POLR1B: variants seen among roughly 807,000 people sequenced by gnomAD.
POLR1B encodes RNA polymerase I subunit B, also known as DNA-directed RNA polymerase I subunit RPA2.
In POLR1B, 30 loss-of-function variants were observed where a neutral mutation model predicts 105.8. The ratio of observed to expected loss-of-function variants is 0.28; its 90% confidence interval spans 0.21 to 0.38. POLR1B has a LOEUF of 0.38. POLR1B is among the 10% of genes least tolerant of loss of function. The pLI, the probability that POLR1B is intolerant of heterozygous loss-of-function variation, is 1.00. For missense variants in POLR1B, 976 were observed against 1,435.8 expected (o/e 0.68, Z 5.17); for synonymous variants, 485 against 505.1 (o/e 0.96, Z 0.53).
At chr2:112,573,264 G>A (rs904396550) in intron 13 of POLR1B, among the ~76,000 whole-genome samples, 2 of 152,070 alleles carry the variant, frequency 1.3e-5, no homozygotes, top group African/African-American at 4.8e-5. Flanking sequence ...CACCATGCCT[G>A]GCTAATTTTC....
At chr2:112,569,899 T>C (rs1360394630) in intron 12 of POLR1B, among the ~76,000 whole-genome samples, 1 of 152,040 alleles carries the variant, frequency 6.6e-6, no homozygotes, top group Non-Finnish European at 1.5e-5. Flanking sequence ...ATTGCTAAAC[T>C]CTTCTGTCAT....
Position 112,568,777 on chromosome 2 carries a change from A to T in POLR1B, c.1949A>T (p.Glu650Val), listed in dbSNP as rs2104567384. Residue 650 changes from glutamate to valine, a missense_variant, in exon 12 of 15, where the codon GAA (glutamate) becomes GTA (valine). Transcript: ENST00000263331. ...ATGAATGTCGCTATCTTTGAGGATG[A>T]AGTTTTTGCTGGAGTTACCACACAC... ...IFMNVAIFED[E>V]VFAGVTTHQE... is the part of the protein sequence containing the mutation. 6.2e-7 allele frequency: 1 copy of T among 1,614,052 alleles called. No homozygotes were observed. The highest frequency in any genetic ancestry group is 1.3e-5 in the African/African-American group (1 of 75,026).
At chr2:112,552,121 T>C in intron 6 of POLR1B, 123 bp downstream of exon 6, 1 of 709,078 alleles carries the variant, frequency 1.4e-6, no homozygotes, top group Non-Finnish European at 2.3e-6. Flanking sequence ...GGTAGAATCC[T>C]GGTCCTTGCT....
chr2:112,565,277 C>T (rs556985499), intron 10 of POLR1B, among the ~76,000 whole-genome samples: 132 of 152,118 alleles, frequency 8.7e-4, no homozygotes, highest in Non-Finnish European at 1.6e-3. Context: ...ACATGGGACC[C>T]CCCTGTATAC....
At chr2:112,555,346 AAAAAG>A (rs1466419851) in intron 7 of POLR1B, among the ~76,000 whole-genome samples, 1 of 152,100 alleles carries the variant, frequency 6.6e-6, no homozygotes, top group Non-Finnish European at 1.5e-5. Flanking sequence ...CTCAAAAAGA[AAAAAG>A]AAAAAAACAC....
chr2:112,576,601 A>G lies in POLR1B; in HGVS notation c.*872A>G, dbSNP rs66487864. 1.3e-5 allele frequency: 2 copies of G among 152,052 alleles called. No homozygotes were observed. Among genetic ancestry groups the G allele is most frequent in the African/African-American group, 4.8e-5 (2 of 41,358 alleles). 9.4% of individuals were successfully genotyped at this position (152,052 alleles called of 1,614,324 possible). A position where few individuals can be genotyped will look rare whatever the true frequency, so the allele number is the denominator to read the frequency against. On this transcript the variant is annotated 3_prime_UTR_variant, in exon 15 of 15. Coordinates refer to ENST00000263331, the MANE Select transcript of POLR1B (RefSeq NM_019014.6). ...ATATCTCATATAGTGGGATCATGCA[A>G]TATTTGTCCTGTGACTGGCTTATTT...
chr2:112,572,346 C>G (rs1234655792), intron 12 of POLR1B, among the ~76,000 whole-genome samples: 1 of 152,162 alleles, frequency 6.6e-6, no homozygotes, highest in Non-Finnish European at 1.5e-5. Flanking sequence ...CACTTTCTCC[C>G]ACTCAGCATG....
intron 6 of POLR1B, among the ~76,000 whole-genome samples, chr2:112,552,207 T>C (rs1175863346): frequency 1.3e-5 from 2 of 152,222 alleles, no homozygotes; most frequent in Non-Finnish European, 2.9e-5. Flanking sequence ...TTTATAGTAC[T>C]TTTTAACTTT....
intron 1 of POLR1B, chr2:112,545,836 G>T: frequency 5.4e-6 from 2 of 368,302 alleles, no homozygotes; most frequent in Admixed American, 3.4e-5. Context: ...TGTAGAGACG[G>T]GGTCTCCCTA....
rs775145669 is a variant in POLR1B at position 112,568,953 on chromosome 2, AC to A, written c.2074+52del. 8 of 1,525,260 alleles carry A rather than the reference AC, an allele frequency of 5.2e-6. No homozygotes were observed. The Admixed American group carries it at 9.1e-5, about 17-fold the overall frequency. 94.5% of individuals were successfully genotyped at this position (1,525,260 alleles called of 1,614,324 possible). A position where few individuals can be genotyped will look rare whatever the true frequency, so the allele number is the denominator to read the frequency against. ...TCACAATCAGGAAAGTAAACTTGAT[AC>A]TAGCACACTCTTTTATTGTCCTTAT... is the stretch of plus-strand genomic sequence containing the variant. On this transcript the variant is annotated intron_variant, in intron 12 of 14. Transcript: ENST00000263331.
In POLR1B at chr2:112,573,781, C is replaced by G. The variant is rs1374616659; in HGVS notation, c.2491C>G (p.Leu831Val). The G allele has an allele frequency of 1.9e-6, 3 of 1,614,118 alleles. No individual in the cohort carries two copies. The highest frequency in any genetic ancestry group is 1.7e-6 in the Non-Finnish European group (2 of 1,179,974). Residue 831 changes from leucine (L) to valine (V), a missense_variant, in exon 14 of 15, where the codon CTC becomes GTC. By Grantham distance (32) the Leu-to-Val change is conservative. Coordinates refer to ENST00000263331, the MANE Select transcript of POLR1B (RefSeq NM_019014.6). ...YGDPYYSYLN[L>V]NTGESFVMYY... ...AGATCCGTATTACAGCTACCTCAAC[C>G]TCAACACCGGGGAAAGTTTTGTGAT...
rs745477932 is a variant in POLR1B at position 112,574,928 on chromosome 2, C to A, written c.2607C>A (p.Ile869=). 6.2e-7 allele frequency: 1 copy of A among 1,614,042 alleles called. No homozygotes were observed. Among genetic ancestry groups the A allele is most frequent in the Non-Finnish European group, 8.5e-7 (1 of 1,180,006 alleles). ...GTGGAAAATTCAAGTGTGTTTGCAT[C>A]ACTATGAGAGTGCCTCGGAACCCAA... ...TGSGKFKCVC[I]TMRVPRNPTI... Residue 869 remains isoleucine (I), a synonymous_variant, in exon 15 of 15, where the codon ATC becomes ATA. Coordinates refer to ENST00000263331, the MANE Select transcript of POLR1B (RefSeq NM_019014.6).
chr2:112,545,722 C>G (rs1057161524), intron 1 of POLR1B: 9 of 218,940 alleles, frequency 4.1e-5, no homozygotes, highest in African/African-American at 1.7e-4. Context: ...TCACTGCAGC[C>G]TCGACCTTCC....
chr2:112,546,887 T>C, intron 1 of POLR1B, 125 bp from the exon 2 acceptor site: 1 of 1,070,236 alleles, frequency 9.3e-7, no homozygotes, highest in East Asian at 2.5e-5. Flanking sequence ...TTAACTGTCC[T>C]TTTTAGGTGT....
In POLR1B at chr2:112,550,539, A is replaced by G. The variant is rs546823375; in HGVS notation, c.626-327A>G. Among the ~76,000 whole-genome samples, 22 of 152,242 alleles carry G rather than the reference A, an allele frequency of 1.4e-4. No homozygotes were observed. The South Asian group carries it at 1.5e-3, about 10-fold the overall frequency. On this transcript the variant is annotated intron_variant, in intron 4 of 14. Coordinates refer to ENST00000263331, the MANE Select transcript of POLR1B (RefSeq NM_019014.6). ...TACTTTTCTCCATTGGAACTATTAG[A>G]TCAAGCACCATGTCTTGACCAGACT...
At chr2:112,557,864 C>G in intron 7 of POLR1B, 46 bp from the exon 8 acceptor site, 1 of 1,076,302 alleles carries the variant, frequency 9.3e-7, no homozygotes. Context: ...AGCCACCACA[C>G]CTGGCTCACA....
chr2:112,553,704 G>C (rs1165593273), intron 7 of POLR1B: 1 of 152,068 alleles, frequency 6.6e-6, no homozygotes, highest in Non-Finnish European at 1.5e-5. Flanking sequence ...TGTTAAATAA[G>C]GTGCCTTTCA....
chr2:112,570,529 A>T (rs1310427513), intron 12 of POLR1B, among the ~76,000 whole-genome samples: 1 of 152,226 alleles, frequency 6.6e-6, no homozygotes, highest in African/African-American at 2.4e-5. Context: ...GATGGCAGAG[A>T]CTACTACACA....
intron 5 of POLR1B, among the ~76,000 whole-genome samples, chr2:112,551,350 G>T (rs1227301364): frequency 6.6e-6 from 1 of 152,194 alleles, no homozygotes; most frequent in Non-Finnish European, 1.5e-5. Flanking sequence ...TCCTCATGGG[G>T]TTGCTCTCTA....
Sources: allele counts gnomAD v4.1 joint callset (sites outside exome capture counted in the v4.1 genomes callset), GRCh38; gene constraint gnomAD v4.1.1; transcripts MANE v1.5; gene names NCBI Gene and HGNC (gene_info 2026-07-23, HGNC 2026-07-21).